SLC12A5: variants seen among roughly 807,000 people sequenced by gnomAD.
The protein encoded by SLC12A5 is solute carrier family 12 member 5.
In SLC12A5, 18 loss-of-function variants were observed where a neutral mutation model predicts 124.0. The observed-to-expected ratio is 0.15, with a 90% CI of 0.10 to 0.22. The LOEUF is 0.22. SLC12A5 is among the 10% of genes least tolerant of loss of function. The pLI, the probability that SLC12A5 is intolerant of heterozygous loss-of-function variation, is 1.00. For missense variants in SLC12A5, 867 were observed against 1,478.7 expected (o/e 0.59, Z 6.78); for synonymous variants, 589 against 568.0 (o/e 1.04, Z -0.53).
rs745635839 is a variant in SLC12A5, at chr20:46,043,187, G to T, written c.1101G>T (p.Val367=). The T allele has an allele frequency of 2.5e-5, 41 of 1,613,828 alleles. No homozygotes were observed. The South Asian group carries it at 3.4e-4, about 13-fold the overall frequency. Residue 367 remains valine (V), a synonymous_variant, in exon 9 of 26, where the codon GTG becomes GTT. Transcript: ENST00000243964. The part of the protein sequence containing the change: ...NLWSSYLTKG[V]IVERSGMTSV... ...GGAGCTCCTACCTGACCAAGGGCGT[G>T]ATTGTGGAGAGGAGTGGGATGACCT...
rs2084563901 is a variant in SLC12A5, at chr20:46,043,267, G to C, written c.1181G>C (p.Ser394Thr). 6.2e-7 allele frequency: 1 copy of C among 1,614,034 alleles called. No homozygotes were observed. The highest frequency in any genetic ancestry group is 1.3e-5 in the African/African-American group (1 of 74,904). ...GACATGGACCACCCTTATGTCTTCAGTGATATGACCTCCTACTTCACCCTG... is the reference window on the plus strand; with the variant it reads ...GACATGGACCACCCTTATGTCTTCACTGATATGACCTCCTACTTCACCCTG... ...PIDMDHPYVF[S>T]DMTSYFTLLV... Residue 394 changes from serine (S) to threonine (T), a missense_variant, in exon 9 of 26, where the codon AGT becomes ACT. Physicochemically the swap from Ser to Thr is moderately conservative, Grantham distance 58. This residue lies in a region of SLC12A5 where 152 missense variants were observed against 358.7 expected (regional missense o/e 0.42). Coordinates refer to ENST00000243964, the MANE Select transcript of SLC12A5 (RefSeq NM_020708.5).
intron 21 of SLC12A5, 86 bp downstream of exon 21, chr20:46,055,109 C>A: frequency 1.1e-6 from 1 of 910,896 alleles, no homozygotes; most frequent in Non-Finnish European, 1.8e-6. Flanking sequence ...GGCTGACACT[C>A]CTGGCATTTC....
At chr20:46,040,673 A>G (rs1167764465) in intron 7 of SLC12A5, 59 bp downstream of exon 7, 2 of 1,588,690 alleles carry the variant, frequency 1.3e-6, no homozygotes, top group African/African-American at 1.3e-5. Context: ...GCCCTGTTTC[A>G]GAGTCTCTGC....
At chr20:46,043,488 A>G in intron 9 of SLC12A5, 145 bp from the exon 10 acceptor site, 2 of 1,165,998 alleles carry the variant, frequency 1.7e-6, no homozygotes, top group Non-Finnish European at 1.2e-6. Context: ...AGGAGAAGCT[A>G]AGTAACATGT....
In SLC12A5 at chr20:46,030,164, C is replaced by G. The variant is rs534594033; in HGVS notation, c.52+768C>G. ...ATTCAGGACGGGAAGCAAGATCACC[C>G]TCCTTTCTTCCCTCTTTCCCCCTCC... On this transcript the variant is annotated intron_variant, in intron 1 of 25. Transcript: ENST00000243964. Among the ~76,000 whole-genome samples, 26 of 152,202 alleles carry G rather than the reference C, an allele frequency of 1.7e-4. No homozygotes were observed. In the South Asian group the frequency reaches 5.4e-3, roughly 32 times the overall value.
At chr20:46,048,196 T>G (rs1205461274) in intron 16 of SLC12A5, 111 bp downstream of exon 16, 1 of 983,502 alleles carries the variant, frequency 1.0e-6, no homozygotes, top group Non-Finnish European at 1.5e-6. Flanking sequence ...TTTGTTTTGC[T>G]GAGTCGTGCC....
At chr20:46,024,065 C>T (rs1024011419), downstream of SLC12A5, among the ~76,000 whole-genome samples, 1 of 151,908 alleles carries the variant, frequency 6.6e-6, no homozygotes, top group Non-Finnish European at 1.5e-5. Context: ...TCGCTGGGGT[C>T]GAAGTGAAAC....
chr20:46,049,931 G>A lies in SLC12A5; in HGVS notation c.2181+141G>A, dbSNP rs184267778. ...TTCTTTTCTTTTCCTTAGAGGAAGA[G>A]CCTAAGAGCCTAGACAGTGAGTTCT... On this transcript the variant is annotated intron_variant, in intron 17 of 25. Coordinates refer to ENST00000243964, the MANE Select transcript of SLC12A5 (RefSeq NM_020708.5). 1.1e-4 allele frequency: 119 copies of A among 1,103,354 alleles called. No homozygotes were observed. The African/African-American group carries it at 1.6e-3, about 15-fold the overall frequency. 68.3% of individuals were successfully genotyped at this position (1,103,354 alleles called of 1,614,324 possible). A position where few individuals can be genotyped will look rare whatever the true frequency, so the allele number is the denominator to read the frequency against.
intron 13 of SLC12A5, 31 bp downstream of exon 13, chr20:46,046,027 G>A (rs1232391218): frequency 6.9e-6 from 11 of 1,593,360 alleles, no homozygotes; most frequent in Non-Finnish European, 9.5e-6. Flanking sequence ...CCTCCCCCCT[G>A]GTTCAGGGTG....
chr20:46,051,098 C>A (rs1222216258), intron 17 of SLC12A5, among the ~76,000 whole-genome samples: 2 of 152,112 alleles, frequency 1.3e-5, no homozygotes, highest in Non-Finnish European at 2.9e-5. Context: ...TGACTTGAAT[C>A]CTCACAGTAA....
intron 1 of SLC12A5, among the ~76,000 whole-genome samples, chr20:46,032,734 GA>G (rs1446622067): frequency 6.6e-6 from 1 of 152,124 alleles, no homozygotes. Context: ...TAACCGTTAG[GA>G]AACATCCTTT....
intron 11 of SLC12A5, 80 bp downstream of exon 11, chr20:46,044,013 A>C: frequency 1.4e-6 from 2 of 1,416,156 alleles, no homozygotes; most frequent in Non-Finnish European, 1.9e-6. Flanking sequence ...ACCCATCAGG[A>C]GGTGCTGGGA....
intron 4 of SLC12A5, chr20:46,036,241 C>T: frequency 3.3e-6 from 1 of 300,100 alleles, no homozygotes; most frequent in Non-Finnish European, 6.2e-6. Context: ...TTTGGCAGGT[C>T]CAGACTCACA....
chr20:46,035,562 G>T, intron 3 of SLC12A5, 27 bp downstream of exon 3: 1 of 1,303,218 alleles, frequency 7.7e-7, no homozygotes, highest in South Asian at 1.2e-5. Context: ...ATGAGAAATG[G>T]AAGAAAAGGG....
rs752964452 is a variant in SLC12A5 at position 46,035,053 on chromosome 20, A to G, written c.147+11A>G. ...ATGGCCTTGTTTGAGGTGGGCTGCT[A>G]GGGCTGTTGGGCCCCCACCTACAAT... On this transcript the variant is annotated intron_variant, in intron 2 of 25. Coordinates refer to ENST00000243964, the MANE Select transcript of SLC12A5 (RefSeq NM_020708.5). The G allele has an allele frequency of 1.2e-6, 2 of 1,613,256 alleles. No individual in the cohort carries two copies. The highest frequency in any genetic ancestry group is 1.7e-5 in the Admixed American group (1 of 59,998).
At chr20:46,049,233 A>G (rs1440378037) in intron 16 of SLC12A5, among the ~76,000 whole-genome samples, 1 of 152,204 alleles carries the variant, frequency 6.6e-6, no homozygotes, top group Non-Finnish European at 1.5e-5. Flanking sequence ...TGACTAAGGA[A>G]AGGGATGCAT....
chr20:46,052,042 G>C (rs2084651502), intron 18 of SLC12A5, among the ~76,000 whole-genome samples, 172 bp downstream of exon 18: 1 of 152,206 alleles, frequency 6.6e-6, no homozygotes, highest in South Asian at 2.1e-4. Context: ...GCCAGCCACT[G>C]TGCTGGGCGC....
chr20:46,046,104 A>C lies in SLC12A5; in HGVS notation c.1688+108A>C, dbSNP rs2297199. The stretch of plus-strand genomic sequence containing the variant: ...ACCCAGACACTTTAGCAACCCCAGG[A>C]AGTTCCCCATTGGTCATAGAAGCCC... On this transcript the variant is annotated intron_variant, in intron 13 of 25. Coordinates refer to ENST00000243964, the MANE Select transcript of SLC12A5 (RefSeq NM_020708.5). 493,585 of 1,021,666 alleles carry C rather than the reference A, an allele frequency of 0.48. 121,426 individuals are homozygous for C. Among genetic ancestry groups the C allele is most frequent in the East Asian group, 0.59 (24,894 of 42,076 alleles). The allele number at this position is 1,021,666 out of a possible 1,614,324, so 63.3% of individuals were successfully genotyped here.
In SLC12A5 at chr20:46,040,584, T is replaced by C; in HGVS notation, c.824T>C (p.Ile275Thr). ...LSILAIYAGV[I>T]KSAFDPPNFP... ...ATCCTGGCCATCTATGCTGGGGTCA[T>C]CAAGTCTGCCTTCGACCCACCCAAC... Residue 275 changes from isoleucine (I) to threonine (T), a missense_variant, in exon 7 of 26, where the codon ATC becomes ACC. By Grantham distance (89) the Ile-to-Thr change is moderately conservative. Around this residue, in one of 9 missense-constraint regions of SLC12A5, gnomAD observed 127 missense variants for 164.1 expected, o/e 0.77. Transcript: ENST00000243964. 6.2e-7 allele frequency: 1 copy of C among 1,614,180 alleles called. No homozygotes were observed. The highest frequency in any genetic ancestry group is 8.5e-7 in the Non-Finnish European group (1 of 1,180,032).
Sources: allele counts gnomAD v4.1 joint callset (sites outside exome capture counted in the v4.1 genomes callset), GRCh38; gene constraint gnomAD v4.1.1; regional missense constraint gnomAD v4.1.1; transcripts MANE v1.5; gene names NCBI Gene and HGNC (gene_info 2026-07-23, HGNC 2026-07-21).